Variants in TDO2 observed in about 807,000 individuals in gnomAD.
The protein encoded by TDO2 is tryptophan 2,3-dioxygenase.
In TDO2, 63 loss-of-function variants were observed where a neutral mutation model predicts 61.2. The ratio of observed to expected loss-of-function variants is 1.03; its 90% CI spans 0.84 to 1.27. The LOEUF (loss-of-function observed/expected upper bound fraction) is 1.27. Ranked by LOEUF, TDO2 falls within the 50% of genes most tolerant of loss-of-function variation. TDO2 has a pLI of 0.00. For synonymous variants in TDO2, 183 were observed against 164.0 expected, an observed-to-expected ratio of 1.12 and a Z score of -0.89; for missense variants, 494 against 469.5, an observed-to-expected ratio of 1.05 and a Z score of -0.48.
At chr4:155,910,318 T>C (rs1442732206) in intron 6 of TDO2, 107 bp downstream of exon 6, 4 of 757,370 alleles carry the variant, frequency 5.3e-6, no homozygotes, top group Non-Finnish European at 6.1e-6. Context: ...TTACATTCAG[T>C]GGAAATAAGG....
chr4:155,917,474 TGTAA>T lies in TDO2; in HGVS notation c.976+3_976+6del, dbSNP rs1201612194. ...AGATTCACTGATGACCAAATGGAGA[TGTAA>T]GTCCTTCCCACTCACCCCATGTTGC... On this transcript the variant is annotated splice_donor_variant and splice_donor_region_variant and intron_variant, in intron 10 of 11. Transcript: ENST00000536354. LOFTEE classifies it high-confidence loss of function. The T allele has an allele frequency of 6.2e-7, 1 of 1,607,842 alleles. No homozygotes were observed. The highest frequency in any genetic ancestry group is 8.5e-7 in the Non-Finnish European group (1 of 1,177,738).
intron 10 of TDO2, among the ~76,000 whole-genome samples, chr4:155,917,751 T>C (rs920392523): frequency 2.6e-5 from 4 of 152,230 alleles, no homozygotes; most frequent in African/African-American, 9.6e-5. Flanking sequence ...CTTTAGGTCA[T>C]AAAAGTTTTA....
In TDO2 at chr4:155,919,896, A is replaced by G; in HGVS notation, c.1127A>G (p.His376Arg). Residue 376 changes from histidine to arginine, a missense_variant, in exon 12 of 12, where the codon CAC becomes CGC. Transcript: ENST00000536354. ...FNLSTYLIPR[H>R]WIPKMNPTIH... ...CTTTCAACATACCTGATTCCCCGAC[A>G]CTGGATACCGAAGATGAACCCAACC... is the stretch of plus-strand genomic sequence containing the variant. 1.2e-6 allele frequency: 2 copies of G among 1,613,732 alleles called. No individual in the cohort carries two copies. The highest frequency in any genetic ancestry group is 1.7e-6 in the Non-Finnish European group (2 of 1,179,746).
intron 7 of TDO2, among the ~76,000 whole-genome samples, chr4:155,912,214 GAAC>G (rs1412664672): frequency 6.6e-6 from 1 of 152,136 alleles, no homozygotes; most frequent in Non-Finnish European, 1.5e-5. Context: ...ATGTGACAGA[GAAC>G]AAGTGACTGC....
In TDO2 at chr4:155,913,162, TCCA is replaced by T. The variant is rs1742868417; in HGVS notation, c.727-1159_727-1157del. 2.6e-5 allele frequency among the ~76,000 whole-genome samples: 4 copies of T among 152,238 alleles called. No homozygotes were observed. In the South Asian group the frequency reaches 8.3e-4, roughly 32 times the overall value. Reference sequence around the variant, plus strand: ...AGTATGCCTCTATTCCAATTTAGTCTCCACATTGCAGTCTGAATAATCTTTTCA... The same window carrying T: ...AGTATGCCTCTATTCCAATTTAGTCTCATTGCAGTCTGAATAATCTTTTCA... On this transcript the variant is annotated intron_variant, in intron 7 of 11. Coordinates refer to ENST00000536354, the MANE Select transcript of TDO2 (RefSeq NM_005651.4).
intron 7 of TDO2, among the ~76,000 whole-genome samples, chr4:155,913,712 T>C (rs909375023): frequency 6.6e-6 from 1 of 152,092 alleles, no homozygotes; most frequent in African/African-American, 2.4e-5. Context: ...CTACACAGTG[T>C]GGTGGTTCTG....
chr4:155,918,281 A>C, intron 11 of TDO2, 42 bp downstream of exon 11: 1 of 1,593,882 alleles, frequency 6.3e-7, no homozygotes, highest in Non-Finnish European at 8.6e-7. Flanking sequence ...GGCAGTCACC[A>C]ACAATTTGTT....
intron 8 of TDO2, 152 bp from the exon 9 acceptor site, chr4:155,915,703 A>C: frequency 2.0e-6 from 1 of 509,648 alleles, no homozygotes; most frequent in Non-Finnish European, 3.4e-6. Flanking sequence ...TATGTTTACA[A>C]ATTCAACCTA....
At chr4:155,911,938 C>T (rs1229578378) in intron 7 of TDO2, among the ~76,000 whole-genome samples, 2 of 152,084 alleles carry the variant, frequency 1.3e-5, no homozygotes, top group Admixed American at 6.5e-5. Flanking sequence ...TCTATTTAGC[C>T]CTGTAGCTTT....
intron 3 of TDO2, chr4:155,905,630 C>G (rs190820982): frequency 6.5e-6 from 1 of 153,410 alleles, no homozygotes; most frequent in Non-Finnish European, 1.4e-5. Context: ...TTTTTTTAGC[C>G]TATGTGTTCA....
intron 2 of TDO2, 92 bp downstream of exon 2, chr4:155,904,215 G>T: frequency 1.1e-6 from 1 of 920,768 alleles, no homozygotes; most frequent in South Asian, 1.6e-5. Flanking sequence ...CTTGGAATTA[G>T]GGAAAGTCAC....
rs958873525 is a variant in TDO2, at chr4:155,907,602, T to C, written c.233-120T>C. The stretch of plus-strand genomic sequence containing the variant: ...GGCACACAATGGGACTATATTTACA[T>C]TTATTGATTTTAAGGTAACATTTTA... On this transcript the variant is annotated intron_variant, in intron 3 of 11. Coordinates refer to ENST00000536354, the MANE Select transcript of TDO2 (RefSeq NM_005651.4). 7.6e-6 allele frequency: 5 copies of C among 660,210 alleles called. No homozygotes were observed. The South Asian group carries it at 9.8e-5, about 13-fold the overall frequency. 40.9% of individuals were successfully genotyped at this position (660,210 alleles called of 1,614,324 possible). A position where few individuals can be genotyped will look rare whatever the true frequency, so the allele number is the denominator to read the frequency against.
chr4:155,906,972 G>A (rs1015497564), intron 3 of TDO2: 2 of 152,242 alleles, frequency 1.3e-5, no homozygotes, highest in African/African-American at 2.4e-5. Context: ...TAATGCCAAT[G>A]TTACTGTTTG....
At chr4:155,904,471 C>G (rs2110861260) in intron 2 of TDO2, among the ~76,000 whole-genome samples, 1 of 152,208 alleles carries the variant, frequency 6.6e-6, no homozygotes, top group South Asian at 2.1e-4. Context: ...GCAAATGTAT[C>G]TTGAAAAAGT....
chr4:155,914,171 A>G, intron 7 of TDO2, 152 bp from the exon 8 acceptor site: 1 of 569,934 alleles, frequency 1.8e-6, no homozygotes, highest in South Asian at 2.5e-5. Flanking sequence ...CTCATAAGAC[A>G]TAATTTCCAA....
At chr4:155,919,031 C>A (rs1412372764) in intron 11 of TDO2, among the ~76,000 whole-genome samples, 1 of 152,162 alleles carries the variant, frequency 6.6e-6, no homozygotes, top group Non-Finnish European at 1.5e-5. Context: ...GAAATGAATT[C>A]TGTAAGCACA....
chr4:155,916,758 A>G (rs974089192), intron 9 of TDO2, among the ~76,000 whole-genome samples: 2 of 152,100 alleles, frequency 1.3e-5, no homozygotes, highest in African/African-American at 4.8e-5. Flanking sequence ...ACATCACACT[A>G]GTAAAAAAAT....
intron 5 of TDO2, among the ~76,000 whole-genome samples, chr4:155,909,724 T>C (rs1742782218): frequency 6.6e-6 from 1 of 151,934 alleles, no homozygotes; most frequent in Non-Finnish European, 1.5e-5. Context: ...CTCTAGACAG[T>C]TGTGTGTATC....
At chr4:155,914,605 G>A (rs1397131174) in intron 8 of TDO2, among the ~76,000 whole-genome samples, 171 bp downstream of exon 8, 3 of 152,020 alleles carry the variant, frequency 2.0e-5, no homozygotes, top group South Asian at 4.1e-4. Context: ...CTATTTTAAC[G>A]GGTTTCCATG....
Sources: allele counts gnomAD v4.1 joint callset (sites outside exome capture counted in the v4.1 genomes callset), GRCh38; gene constraint gnomAD v4.1.1; transcripts MANE v1.5; gene names NCBI Gene and HGNC (gene_info 2026-07-23, HGNC 2026-07-21).